RHOBTB1: variants seen among roughly 807,000 people sequenced by gnomAD.
RHOBTB1 encodes the protein rho-related BTB domain-containing protein 1.
RHOBTB1 carries 40 observed loss-of-function variants against 71.6 expected under a neutral mutation model. The observed-to-expected ratio is 0.56, with a 90% confidence interval of 0.43 to 0.73. RHOBTB1 has a LOEUF of 0.73. Among genes scored for constraint, RHOBTB1 ranks in the 30% least tolerant of loss-of-function variants. RHOBTB1 has a pLI of 0.00. For synonymous variants in RHOBTB1, 319 were observed against 334.9 expected (o/e 0.95, Z 0.52); for missense variants, 797 against 894.0 (o/e 0.89, Z 1.38).
At chr10:60,972,202 T>G (rs7084092) in intron 2 of RHOBTB1, among the ~76,000 whole-genome samples, 82,013 of 151,996 alleles carry the variant, frequency 0.54, 22,410 homozygotes, top group East Asian at 0.77. Context: ...TATACCCAAA[T>G]GATTATAAAC....
intron 2 of RHOBTB1, chr10:60,912,688 A>C (rs894150010): frequency 6.6e-6 from 1 of 152,228 alleles, no homozygotes; most frequent in African/African-American, 2.4e-5. Flanking sequence ...AGGTTTAAAC[A>C]GGGCTGCTGA....
intron 4 of RHOBTB1, 41 bp downstream of exon 4, chr10:60,910,846 T>C (rs370294716): frequency 6.9e-7 from 1 of 1,455,162 alleles, no homozygotes; most frequent in African/African-American, 1.4e-5. Context: ...GAAAAGGAAA[T>C]TGCATTCAAG....
intron 4 of RHOBTB1, among the ~76,000 whole-genome samples, chr10:60,906,075 C>T (rs2082661884): frequency 6.6e-6 from 1 of 152,142 alleles, no homozygotes; most frequent in South Asian, 2.1e-4. Flanking sequence ...GAACCAACAA[C>T]ATTTGAGAAA....
chr10:60,954,627 C>T (rs951766774), intron 2 of RHOBTB1, among the ~76,000 whole-genome samples: 1 of 151,800 alleles, frequency 6.6e-6, no homozygotes, highest in Non-Finnish European at 1.5e-5. Flanking sequence ...TCAGTGGTGT[C>T]GCGTATTCTT....
downstream of RHOBTB1, among the ~76,000 whole-genome samples, chr10:60,866,799 A>G (rs187681362): frequency 6.3e-4 from 95 of 150,992 alleles, no homozygotes; most frequent in Non-Finnish European, 2.4e-4. Flanking sequence ...AATAATAATT[A>G]TTATTTACTT....
intron 2 of RHOBTB1, among the ~76,000 whole-genome samples, chr10:60,912,547 C>A (rs575288049): frequency 6.6e-6 from 1 of 152,114 alleles, no homozygotes; most frequent in Admixed American, 6.5e-5. Flanking sequence ...AAAAGATATT[C>A]TTGAGGGCCC....
rs2080807317 is a variant in RHOBTB1 at position 60,871,921 on chromosome 10, G to A, written c.1921+264C>T. 8.3e-6 allele frequency: 5 copies of A among 603,672 alleles called. No homozygotes were observed. In the African/African-American group the frequency reaches 9.3e-5, roughly 11 times the overall value. The allele number at this position is 603,672 out of a possible 1,614,324, so 37.4% of individuals were successfully genotyped here. A position where few individuals can be genotyped will look rare whatever the true frequency, so the allele number is the denominator to read the frequency against. ...CCTAAGCTTGTCTCCCTAAACAAGG[G>A]GAAGGCCACCACCTCTGCACTCTCT... On this transcript the variant is annotated intron_variant, in intron 10 of 10. Transcript: ENST00000337910.
In RHOBTB1 at chr10:60,888,977, C is replaced by T. The variant is rs374879481; in HGVS notation, c.691G>A (p.Ala231Thr). 1 of 1,613,992 alleles carries T rather than the reference C, an allele frequency of 6.2e-7. No homozygotes were observed. The highest frequency in any genetic ancestry group is 8.5e-7 in the Non-Finnish European group (1 of 1,180,006). Residue 231 changes from alanine to threonine, a missense_variant, in exon 6 of 11, where the codon GCA (alanine) becomes ACA (threonine). Ala to Thr is a moderately conservative substitution (Grantham distance 58). This residue lies in a region of RHOBTB1 where 658 missense variants were observed against 681.5 expected (regional missense o/e 0.97). Coordinates refer to ENST00000337910, the MANE Select transcript of RHOBTB1 (RefSeq NM_014836.5). ...GGGGCTTTTGGAGGTAGGAAGGGTG[C>T]CTGAAGTAAAGGTTTCTGGACTTTC... ...LKKVQKPLLQ[A>T]PFLPPKAPPP...
At chr10:60,962,397 G>A (rs932590439) in intron 2 of RHOBTB1, among the ~76,000 whole-genome samples, 1 of 152,110 alleles carries the variant, frequency 6.6e-6, no homozygotes, top group Non-Finnish European at 1.5e-5. Context: ...AGGGGAGGAA[G>A]AATGATCATT....
chr10:60,947,341 G>A (rs1026483805), upstream of RHOBTB1, among the ~76,000 whole-genome samples: 1 of 151,970 alleles, frequency 6.6e-6, no homozygotes, highest in Non-Finnish European at 1.5e-5. Flanking sequence ...TTGCACAAAG[G>A]TGATTTTAAA....
intron 2 of RHOBTB1, among the ~76,000 whole-genome samples, chr10:60,939,035 G>T (rs1934953795): frequency 6.6e-6 from 1 of 152,044 alleles, no homozygotes; most frequent in Admixed American, 6.6e-5. Context: ...ATTAACGCTG[G>T]GAACTTGCCA....
intron 6 of RHOBTB1, among the ~76,000 whole-genome samples, chr10:60,886,722 G>GT (rs1175542695): frequency 7.2e-6 from 1 of 138,294 alleles, no homozygotes; most frequent in South Asian, 2.4e-4. Flanking sequence ...AGATGTGGGG[G>GT]GGGGTGGGTC....
chr10:60,995,722 G>A (rs1005613713), intron 1 of RHOBTB1, among the ~76,000 whole-genome samples: 17 of 152,074 alleles, frequency 1.1e-4, no homozygotes, highest in Non-Finnish European at 7.4e-5. Context: ...ACAGCATTTT[G>A]CTCACTTGTT....
intron 7 of RHOBTB1, 52 bp downstream of exon 7, chr10:60,886,060 A>T: frequency 7.6e-7 from 1 of 1,309,200 alleles, no homozygotes; most frequent in Non-Finnish European, 1.1e-6. Context: ...ATAAATACAC[A>T]GGCACACATA....
chr10:60,983,197 T>C (rs2086558941), intron 2 of RHOBTB1, among the ~76,000 whole-genome samples: 1 of 152,182 alleles, frequency 6.6e-6, no homozygotes, highest in African/African-American at 2.4e-5. Context: ...CAAATGGTAA[T>C]ACAAGTGCTT....
chr10:60,988,143 C>G (rs927505173), intron 1 of RHOBTB1, among the ~76,000 whole-genome samples: 3 of 151,410 alleles, frequency 2.0e-5, no homozygotes, highest in Non-Finnish European at 2.9e-5. Flanking sequence ...ACTGTGTTAG[C>G]CAGGATGGTC....
intron 2 of RHOBTB1, among the ~76,000 whole-genome samples, chr10:60,916,386 T>C (rs1024772795): frequency 6.6e-6 from 1 of 152,218 alleles, no homozygotes; most frequent in Non-Finnish European, 1.5e-5. Context: ...TACAGCTGAA[T>C]GTAGTTTATG....
intron 2 of RHOBTB1, among the ~76,000 whole-genome samples, chr10:60,980,014 G>C (rs899398568): frequency 1.3e-5 from 2 of 152,162 alleles, no homozygotes; most frequent in African/African-American, 4.8e-5. Context: ...AGGTCAGGCA[G>C]GTCACTGCTG....
chr10:60,877,191 T>G (rs1002075801), intron 8 of RHOBTB1: 1 of 152,234 alleles, frequency 6.6e-6, no homozygotes, highest in African/African-American at 2.4e-5. Context: ...AATCTAGAAA[T>G]GATACATAAG....
Sources: gnomAD v4.1 joint callset for allele counts (sites outside exome capture counted in the v4.1 genomes callset) on GRCh38, gnomAD v4.1.1 for gene constraint, gnomAD v4.1.1 regional missense constraint, MANE v1.5 for transcripts, NCBI Gene and HGNC (gene_info 2026-07-23, HGNC 2026-07-21) for gene names.